PALM2AKAP2: variants seen among roughly 807,000 people sequenced by gnomAD.
The protein encoded by PALM2AKAP2 is PALM2-AKAP2 fusion protein.
Under a neutral mutation model 71.5 loss-of-function variants are expected in PALM2AKAP2, and 37 were observed. The ratio of observed to expected loss-of-function variants is 0.52; its 90% CI spans 0.40 to 0.68. The LOEUF is 0.68. PALM2AKAP2 is among the 30% of genes least tolerant of loss of function. The pLI is 0.00. For missense variants in PALM2AKAP2, 1,224 were observed against 1,191.8 expected, an observed-to-expected ratio of 1.03 and a Z score of -0.40; for synonymous variants, 468 against 478.8, an observed-to-expected ratio of 0.98 and a Z score of 0.29.
At chr9:109,746,722 T>C (rs1828807279) in intron 1 of PALM2AKAP2, among the ~76,000 whole-genome samples, 1 of 152,100 alleles carries the variant, frequency 6.6e-6, no homozygotes, top group African/African-American at 2.4e-5. Flanking sequence ...TCTCAGTGAA[T>C]CATCACCACA....
At chr9:109,920,453 C>T (rs970853910) in intron 3 of PALM2AKAP2, among the ~76,000 whole-genome samples, 1 of 151,260 alleles carries the variant, frequency 6.6e-6, no homozygotes, top group African/African-American at 2.4e-5. Context: ...CTCGCTGCAG[C>T]CTTGCAGCCT....
chr9:109,747,664 C>G (rs1275950059), intron 1 of PALM2AKAP2, among the ~76,000 whole-genome samples: 1 of 151,970 alleles, frequency 6.6e-6, no homozygotes, highest in Non-Finnish European at 1.5e-5. Context: ...TACTGTAACT[C>G]CATAATTTTT....
At chr9:109,957,236 G>A (rs1239087954) in intron 6 of PALM2AKAP2, among the ~76,000 whole-genome samples, 1 of 152,216 alleles carries the variant, frequency 6.6e-6, no homozygotes, top group African/African-American at 2.4e-5. Context: ...CTCTTGCTGA[G>A]TTAATTGAGC....
At chr9:109,744,151 G>A (rs1318344284) in intron 1 of PALM2AKAP2, among the ~76,000 whole-genome samples, 1 of 152,160 alleles carries the variant, frequency 6.6e-6, no homozygotes, top group Non-Finnish European at 1.5e-5. Context: ...AATGATTGGA[G>A]AGGATAAACT....
At chr9:110,048,102 C>CG (rs889929403), upstream of PALM2AKAP2, among the ~76,000 whole-genome samples, 36 of 152,304 alleles carry the variant, frequency 2.4e-4, no homozygotes, top group African/African-American at 7.7e-4. Context: ...TGAACCCCAT[C>CG]GGGGGAGTCC....
At chr9:109,878,181 G>T (rs979865963) in intron 2 of PALM2AKAP2, among the ~76,000 whole-genome samples, 4 of 152,136 alleles carry the variant, frequency 2.6e-5, no homozygotes, top group Non-Finnish European at 5.9e-5. Context: ...AAATTGTACT[G>T]CCCTCTTTTA....
At chr9:109,651,565 A>G (rs1377021266) in intron 1 of PALM2AKAP2, among the ~76,000 whole-genome samples, 1 of 152,238 alleles carries the variant, frequency 6.6e-6, no homozygotes, top group African/African-American at 2.4e-5. Flanking sequence ...GGATAGAAGC[A>G]CTGAAAGTCT....
intron 6 of PALM2AKAP2, among the ~76,000 whole-genome samples, chr9:109,985,128 A>G (rs1213849077): frequency 1.3e-5 from 2 of 151,940 alleles, no homozygotes; most frequent in African/African-American, 2.4e-5. Flanking sequence ...GTGAGCCAAG[A>G]TCACGCCATT....
intron 1 of PALM2AKAP2, among the ~76,000 whole-genome samples, chr9:110,074,602 T>G (rs1834279102): frequency 6.6e-6 from 1 of 152,230 alleles, no homozygotes; most frequent in Non-Finnish European, 1.5e-5. Flanking sequence ...CGAGGCATTA[T>G]GTCTGCAAAA....
chr9:109,667,269 C>T (rs1295654877), intron 1 of PALM2AKAP2, among the ~76,000 whole-genome samples: 1 of 152,122 alleles, frequency 6.6e-6, no homozygotes, highest in Non-Finnish European at 1.5e-5. Flanking sequence ...GAACAGCTAT[C>T]CCCTAAAGGA....
At chr9:109,889,561 C>T (rs1054426039) in intron 3 of PALM2AKAP2, among the ~76,000 whole-genome samples, 1 of 152,170 alleles carries the variant, frequency 6.6e-6, no homozygotes, top group Non-Finnish European at 1.5e-5. Flanking sequence ...ACAGAAAAAG[C>T]CCTCTTCACT....
intron 1 of PALM2AKAP2, among the ~76,000 whole-genome samples, chr9:109,719,417 T>C (rs1828373590): frequency 6.6e-6 from 1 of 152,212 alleles, no homozygotes; most frequent in African/African-American, 2.4e-5. Context: ...ATGTCTTCAC[T>C]TGTAAATAAG....
At chr9:109,696,527 C>G (rs1441572357) in intron 1 of PALM2AKAP2, among the ~76,000 whole-genome samples, 1 of 152,150 alleles carries the variant, frequency 6.6e-6, no homozygotes, top group Non-Finnish European at 1.5e-5. Context: ...TTGGCAATAT[C>G]TATCAGAATT....
At chr9:109,784,102 A>G (rs1363717228) in intron 1 of PALM2AKAP2, among the ~76,000 whole-genome samples, 1 of 152,212 alleles carries the variant, frequency 6.6e-6, no homozygotes, top group Non-Finnish European at 1.5e-5. Flanking sequence ...CCCAAACTTT[A>G]CATTTAGAAC....
chr9:109,832,458 G>A (rs781143362), intron 1 of PALM2AKAP2, among the ~76,000 whole-genome samples: 17 of 152,184 alleles, frequency 1.1e-4, no homozygotes, highest in Non-Finnish European at 2.4e-4. Flanking sequence ...TTCCATTCAT[G>A]TCAGCTACTA....
intron 6 of PALM2AKAP2, among the ~76,000 whole-genome samples, chr9:109,953,130 T>C (rs1831674864): frequency 6.6e-6 from 1 of 152,176 alleles, no homozygotes; most frequent in Non-Finnish European, 1.5e-5. Flanking sequence ...ATTTTGTAGA[T>C]CCATAATATT....
intron 1 of PALM2AKAP2, among the ~76,000 whole-genome samples, chr9:109,754,896 C>G (rs1207301795): frequency 6.6e-6 from 1 of 152,108 alleles, no homozygotes; most frequent in African/African-American, 2.4e-5. Context: ...CAGGCCATAG[C>G]ACCATCCTAA....
At chr9:109,853,783 A>C (rs1465176664) in intron 1 of PALM2AKAP2, among the ~76,000 whole-genome samples, 1 of 152,192 alleles carries the variant, frequency 6.6e-6, no homozygotes, top group Non-Finnish European at 1.5e-5. Flanking sequence ...CCCTCACTAT[A>C]CTTGACACTG....
intron 2 of PALM2AKAP2, among the ~76,000 whole-genome samples, chr9:109,867,889 G>A (rs1201379990): frequency 2.0e-5 from 3 of 152,234 alleles, no homozygotes; most frequent in South Asian, 2.1e-4. Flanking sequence ...AGCATTTCAG[G>A]ATTGTTTCTC....
Sources: gnomAD v4.1 joint callset for allele counts (sites outside exome capture counted in the v4.1 genomes callset) on GRCh38, gnomAD v4.1.1 for gene constraint, MANE v1.5 for transcripts, NCBI Gene and HGNC (gene_info 2026-07-23, HGNC 2026-07-21) for gene names.